NOX4: variants seen among roughly 807,000 people sequenced by gnomAD.
The protein encoded by NOX4 is kidney oxidase-1.
In NOX4, 69 loss-of-function variants were observed where a neutral mutation model predicts 87.6. The observed-to-expected ratio is 0.79, with a 90% CI of 0.65 to 0.96. The LOEUF (loss-of-function observed/expected upper bound fraction) is 0.96. Ranked by LOEUF, NOX4 falls within the 40% of genes least tolerant of loss-of-function variation. The probability of loss-of-function intolerance (pLI) is 0.00; values close to 1 mark genes in which losing one functional copy is unlikely to be tolerated. For missense variants in NOX4, 680 were observed against 681.5 expected (o/e 1.00, Z 0.02); for synonymous variants, 275 against 238.2 (o/e 1.15, Z -1.42).
intron 12 of NOX4, among the ~76,000 whole-genome samples, chr11:89,372,621 G>A (rs1939529269): frequency 6.6e-6 from 1 of 151,774 alleles, no homozygotes; most frequent in African/African-American, 2.4e-5. Context: ...TGTCTTTTCT[G>A]TGAAGCTTCT....
chr11:89,360,007 A>T (rs1397635265), intron 12 of NOX4, among the ~76,000 whole-genome samples: 6 of 151,922 alleles, frequency 3.9e-5, no homozygotes, highest in Non-Finnish European at 8.8e-5. Flanking sequence ...GACATTAAAG[A>T]TTAAGACTCT....
At chr11:89,488,299 T>A (rs2135491304) in intron 2 of NOX4, among the ~76,000 whole-genome samples, 1 of 152,062 alleles carries the variant, frequency 6.6e-6, no homozygotes, top group Admixed American at 6.6e-5. Context: ...GATCAATATT[T>A]ATTGAGCCCT....
chr11:89,400,752 T>A (rs907275432), intron 9 of NOX4, among the ~76,000 whole-genome samples: 1 of 151,544 alleles, frequency 6.6e-6, no homozygotes, highest in African/African-American at 2.4e-5. Context: ...TGGGGATAAT[T>A]TTAGAAATAA....
intron 3 of NOX4, 52 bp from the exon 4 acceptor site, chr11:89,449,576 AG>A: frequency 7.0e-7 from 1 of 1,420,052 alleles, no homozygotes; most frequent in Non-Finnish European, 9.9e-7. Flanking sequence ...ATGTGATAAA[AG>A]TTTTTCAGTA....
At chr11:89,529,905 A>C in the NOX4 span, among the ~76,000 whole-genome samples, 1 of 152,170 alleles carries the variant, frequency 6.6e-6, no homozygotes. Flanking sequence ...AATGGCTCCC[A>C]TTTCACTCAA....
the NOX4 span, among the ~76,000 whole-genome samples, chr11:89,575,351 T>G: frequency 6.6e-6 from 1 of 152,070 alleles, no homozygotes; most frequent in African/African-American, 2.4e-5. Flanking sequence ...GCCAAGAAAT[T>G]TTTTCACCCA....
At chr11:89,511,562 T>G in the NOX4 span, among the ~76,000 whole-genome samples, 1 of 151,964 alleles carries the variant, frequency 6.6e-6, no homozygotes, top group South Asian at 2.1e-4. Flanking sequence ...ACCGTCTAAT[T>G]GCTAACAGAA....
At chr11:89,553,961 G>A in the NOX4 span, among the ~76,000 whole-genome samples, 49 of 151,376 alleles carry the variant, frequency 3.2e-4, no homozygotes, top group African/African-American at 1.1e-3. Context: ...ATCCGCTCAC[G>A]GAAACTGGCA....
chr11:89,362,462 C>T (rs989120775), intron 12 of NOX4, among the ~76,000 whole-genome samples: 3 of 151,940 alleles, frequency 2.0e-5, no homozygotes, highest in African/African-American at 7.3e-5. Flanking sequence ...TTGATCATGC[C>T]CACCTTGACT....
chr11:89,502,174 G>A (rs1026863755), upstream of NOX4, among the ~76,000 whole-genome samples: 5 of 151,982 alleles, frequency 3.3e-5, no homozygotes, highest in Admixed American at 3.3e-4. Context: ...GGACACCTGG[G>A]TTGTTAGAAG....
intron 11 of NOX4, among the ~76,000 whole-genome samples, chr11:89,388,068 T>C (rs753339904): frequency 3.9e-5 from 6 of 152,230 alleles, no homozygotes; most frequent in Non-Finnish European, 8.8e-5. Flanking sequence ...TGTAAATAAA[T>C]TTGTAGTTTG....
chr11:89,534,696 TC>T, the NOX4 span, among the ~76,000 whole-genome samples: 5 of 152,150 alleles, frequency 3.3e-5, no homozygotes, highest in Non-Finnish European at 7.4e-5. Flanking sequence ...TCTGCCAGAT[TC>T]TCCTCTATCA....
chr11:89,469,012 G>A (rs749624470), intron 2 of NOX4, among the ~76,000 whole-genome samples: 1 of 152,144 alleles, frequency 6.6e-6, no homozygotes, highest in Admixed American at 6.5e-5. Flanking sequence ...TTACAGGAGT[G>A]AGCCACCACA....
intron 2 of NOX4, among the ~76,000 whole-genome samples, chr11:89,462,634 G>A (rs573032432): frequency 4.6e-5 from 7 of 152,072 alleles, no homozygotes; most frequent in African/African-American, 1.7e-4. Flanking sequence ...AAAAACATTG[G>A]TTATCATATG....
chr11:89,481,658 T>C (rs537574526), intron 2 of NOX4, among the ~76,000 whole-genome samples: 8 of 152,264 alleles, frequency 5.3e-5, no homozygotes, highest in Non-Finnish European at 5.9e-5. Flanking sequence ...AGTTTTATGA[T>C]AAACACAATG....
At chr11:89,561,209 A>T in the NOX4 span, among the ~76,000 whole-genome samples, 1 of 150,734 alleles carries the variant, frequency 6.6e-6, no homozygotes, top group Non-Finnish European at 1.5e-5. Flanking sequence ...TCCATAAAGG[A>T]TTACAATACA....
At chr11:89,477,016 C>T (rs1319271626) in intron 2 of NOX4, among the ~76,000 whole-genome samples, 1 of 152,100 alleles carries the variant, frequency 6.6e-6, no homozygotes, top group Non-Finnish European at 1.5e-5. Context: ...TTTTTGGCAC[C>T]AGGGACTGGT....
At chr11:89,584,512 T>A in the NOX4 span, among the ~76,000 whole-genome samples, 1 of 152,194 alleles carries the variant, frequency 6.6e-6, no homozygotes, top group Non-Finnish European at 1.5e-5. Flanking sequence ...TAAATTTGTG[T>A]GTGTAGCACA....
intron 4 of NOX4, among the ~76,000 whole-genome samples, chr11:89,445,358 A>G (rs888329169): frequency 6.6e-6 from 1 of 150,962 alleles, no homozygotes; most frequent in Admixed American, 6.6e-5. Flanking sequence ...CACACACACA[A>G]AAATAATGAA....
Sources: allele counts gnomAD v4.1 joint callset (sites outside exome capture counted in the v4.1 genomes callset), GRCh38; gene constraint gnomAD v4.1.1; transcripts MANE v1.5; gene names NCBI Gene and HGNC (gene_info 2026-07-23, HGNC 2026-07-21).